The following CACHD1 variants were observed in gnomAD, a reference collection of about 807,000 sequenced individuals.
The protein encoded by CACHD1 is cache domain containing 1, also known as VWFA and cache domain-containing protein 1.
CACHD1 carries 71 observed loss-of-function variants against 138.7 expected under a neutral mutation model. That is an observed-to-expected ratio of 0.51 (90% CI 0.42 to 0.62). CACHD1 has a LOEUF of 0.62. Among genes scored for constraint, CACHD1 ranks in the 20% least tolerant of loss-of-function variants. CACHD1 has a pLI of 0.00. For synonymous variants in CACHD1, 578 were observed against 591.5 expected (o/e 0.98, Z 0.33); for missense variants, 1,389 against 1,625.3 (o/e 0.85, Z 2.50).
chr1:64,492,801 G>A (rs1240329650), intron 1 of CACHD1, among the ~76,000 whole-genome samples: 1 of 152,188 alleles, frequency 6.6e-6, no homozygotes, highest in Admixed American at 6.5e-5. Context: ...TGGAGGACAT[G>A]TTGATGTGAA....
chr1:64,668,340 AAG>A (rs1557548542), intron 16 of CACHD1, among the ~76,000 whole-genome samples: 3 of 150,306 alleles, frequency 2.0e-5, no homozygotes, highest in African/African-American at 5.0e-5. Flanking sequence ...AAAAAAAAAA[AAG>A]AAAAAGAAAA....
chr1:64,528,033 G>A (rs994620893), intron 1 of CACHD1, among the ~76,000 whole-genome samples: 6 of 152,166 alleles, frequency 3.9e-5, no homozygotes, highest in African/African-American at 1.4e-4. Flanking sequence ...AAGGAGTGGG[G>A]GGATGAGTTT....
chr1:64,666,533 G>A (rs1327937491), intron 16 of CACHD1, among the ~76,000 whole-genome samples: 1 of 152,128 alleles, frequency 6.6e-6, no homozygotes, highest in African/African-American at 2.4e-5. Context: ...ATAGGAGCCT[G>A]ACAATTATGA....
rs771795959 is a variant in CACHD1 at position 64,658,833 on chromosome 1, G to C, written c.1911G>C (p.Gln637His). ...LLYHRLDLLG[Q>H]PSACLHFKQL... ...ACCACCGGCTGGATCTCCTTGGCCA[G>C]CCCAGTGCTTGCCTCCACTTCAAAC... The change falls in exon 13 of 27, where the codon CAG (glutamine) becomes CAC (histidine). Residue 637 changes from glutamine to histidine, a missense_variant. By Grantham distance (24) the Gln-to-His change is conservative. Coordinates refer to ENST00000651257, the MANE Select transcript of CACHD1 (RefSeq NM_020925.4). The C allele has an allele frequency of 1.8e-5, 29 of 1,586,028 alleles. No homozygotes were observed. The South Asian group carries it at 3.3e-4, about 18-fold the overall frequency.
At chr1:64,475,558 A>G (rs1228010771) in intron 1 of CACHD1, among the ~76,000 whole-genome samples, 3 of 149,672 alleles carry the variant, frequency 2.0e-5, no homozygotes, top group African/African-American at 7.4e-5. Context: ...TTTATTTTTT[A>G]TATTTTGAGA....
intron 2 of CACHD1, among the ~76,000 whole-genome samples, chr1:64,575,671 T>A (rs1557501230): frequency 6.6e-6 from 1 of 152,212 alleles, no homozygotes; most frequent in Non-Finnish European, 1.5e-5. Context: ...AGGATATATT[T>A]CCTGTCTGTG....
intron 26 of CACHD1, among the ~76,000 whole-genome samples, chr1:64,686,806 A>G (rs1339771539): frequency 6.6e-6 from 1 of 152,232 alleles, no homozygotes; most frequent in Non-Finnish European, 1.5e-5. Flanking sequence ...GGCAAATTCC[A>G]AAATACTTAA....
intron 3 of CACHD1, among the ~76,000 whole-genome samples, chr1:64,594,262 A>G (rs893072): frequency 0.056 from 8,461 of 151,652 alleles, 276 homozygotes; most frequent in Middle Eastern, 0.082. Flanking sequence ...CTAAAAAAAA[A>G]AAAAAAAGAA....
At chr1:64,499,437 A>T (rs944103523) in intron 1 of CACHD1, among the ~76,000 whole-genome samples, 3 of 152,214 alleles carry the variant, frequency 2.0e-5, no homozygotes, top group African/African-American at 7.2e-5. Flanking sequence ...CACTTTGCAA[A>T]ACATGCAACC....
At chr1:64,494,766 GTTT>G (rs1646296946) in intron 1 of CACHD1, among the ~76,000 whole-genome samples, 1 of 152,256 alleles carries the variant, frequency 6.6e-6, no homozygotes, top group East Asian at 1.9e-4. Flanking sequence ...TTTTTTTAGT[GTTT>G]TTTATGTGCC....
intron 1 of CACHD1, among the ~76,000 whole-genome samples, chr1:64,515,296 G>A (rs1646450625): frequency 6.6e-6 from 1 of 152,036 alleles, no homozygotes; most frequent in African/African-American, 2.4e-5. Context: ...ACACAATTGG[G>A]GAGCTATGGA....
At chr1:64,510,574 A>G (rs1646412973) in intron 1 of CACHD1, among the ~76,000 whole-genome samples, 1 of 152,222 alleles carries the variant, frequency 6.6e-6, no homozygotes, top group Non-Finnish European at 1.5e-5. Flanking sequence ...AATGTTCTCA[A>G]CTACCTAACC....
rs538666036 is a variant in CACHD1 at position 64,678,290 on chromosome 1, T to C, written c.3224T>C (p.Val1075Ala). 1.4e-5 allele frequency: 23 copies of C among 1,587,540 alleles called. No homozygotes were observed. The South Asian group carries it at 2.1e-4, about 14-fold the overall frequency. Residue 1075 changes from valine to alanine, a missense_variant, in exon 23 of 27, where the codon GTT becomes GCT. Val to Ala is a moderately conservative substitution (Grantham distance 64, BLOSUM62 0). Around this residue, in one of 5 missense-constraint regions of CACHD1, gnomAD observed 250 missense variants for 292.9 expected, o/e 0.85. Coordinates refer to ENST00000651257, the MANE Select transcript of CACHD1 (RefSeq NM_020925.4). ...ATTGTGGGAGCCAAAAGTCCCTACG[T>C]TGATGACATGGGAGCAATAGGTATG... is the stretch of plus-strand genomic sequence containing the variant. ...GGIVGAKSPY[V>A]DDMGAIGDEV...
At chr1:64,588,420 C>CTTTTTTTT (rs149322683) in intron 3 of CACHD1, among the ~76,000 whole-genome samples, 1 of 145,054 alleles carries the variant, frequency 6.9e-6, no homozygotes, top group African/African-American at 2.5e-5. Context: ...CAAATCAATA[C>CTTTTTTTT]TTTTTTTTTT....
At chr1:64,585,752 C>T (rs529356918) in intron 3 of CACHD1, among the ~76,000 whole-genome samples, 8 of 152,334 alleles carry the variant, frequency 5.3e-5, no homozygotes, top group African/African-American at 1.9e-4. Context: ...TGAGGACTCC[C>T]TTCAATTATA....
intron 2 of CACHD1, among the ~76,000 whole-genome samples, chr1:64,566,453 T>A (rs1481814154): frequency 7.1e-6 from 1 of 141,656 alleles, no homozygotes; most frequent in Non-Finnish European, 1.5e-5. Context: ...GTATTTAGAT[T>A]CAGTGCTCCA....
At position 64,477,620 on chromosome 1, in the gene CACHD1, TA is replaced by T. The variant is rs1336578328; in HGVS notation, c.198+6679del. Reference sequence around the variant, plus strand: ...TTATTATTATTATTATTATTATTATTATTATTTTATTTTATTTTTTTTTTTG... The same window carrying T: ...TTATTATTATTATTATTATTATTATTTTATTTTATTTTATTTTTTTTTTTG... On this transcript the variant is annotated intron_variant, in intron 1 of 26. Transcript: ENST00000651257. Among the ~76,000 whole-genome samples, 721 of 135,676 alleles carry T rather than the reference TA, an allele frequency of 5.3e-3. 10 individuals are homozygous for T. Among genetic ancestry groups the T allele is most frequent in the African/African-American group, 0.019 (633 of 33,596 alleles). The allele number at this position is 135,676 out of a possible 152,430, so 89.0% of individuals were successfully genotyped here.
intron 1 of CACHD1, among the ~76,000 whole-genome samples, chr1:64,507,461 G>GT (rs1046614380): frequency 1.3e-5 from 2 of 152,218 alleles, no homozygotes; most frequent in African/African-American, 4.8e-5. Context: ...GAAAGGTGAT[G>GT]TTTTTTACTT....
rs1648738733 is a variant in CACHD1 at position 64,642,118 on chromosome 1, G to A, written c.1156+149G>A. On this transcript the variant is annotated intron_variant, in intron 8 of 26. Transcript: ENST00000651257. The stretch of plus-strand genomic sequence containing the variant: ...GCGGCTCTTTCTCTACCTGATGTTG[G>A]TATTTAGGGTGTGTAAGGAGGTTCC... 47 of 573,232 alleles carry A rather than the reference G, an allele frequency of 8.2e-5. No individual in the cohort carries two copies. In the South Asian group the frequency reaches 1.5e-3, roughly 19 times the overall value. 35.5% of individuals were successfully genotyped at this position (573,232 alleles called of 1,614,324 possible).
Sources: gnomAD v4.1 joint callset for allele counts (sites outside exome capture counted in the v4.1 genomes callset) on GRCh38, gnomAD v4.1.1 for gene constraint, gnomAD v4.1.1 regional missense constraint, MANE v1.5 for transcripts, NCBI Gene and HGNC (gene_info 2026-07-23, HGNC 2026-07-21) for gene names.